The following TET1 variants were observed in gnomAD, a reference collection of about 807,000 sequenced individuals.
The protein encoded by TET1 is methylcytosine dioxygenase TET1.
A neutral mutation model predicts 148.7 loss-of-function variants in TET1; 13 were observed. The ratio of observed to expected loss-of-function variants is 0.09; its 90% CI spans 0.06 to 0.14. TET1 has a LOEUF of 0.14. Ranked by LOEUF, TET1 falls within the 10% of genes least tolerant of loss-of-function variation. TET1 has a pLI of 1.00. For missense variants in TET1, 2,182 were observed against 2,553.8 expected, an observed-to-expected ratio of 0.85 and a Z score of 3.14; for synonymous variants, 907 against 937.2, an observed-to-expected ratio of 0.97 and a Z score of 0.59.
At chr10:68,652,406 C>T in intron 5 of TET1, 95 bp from the exon 6 acceptor site, 1 of 774,694 alleles carries the variant, frequency 1.3e-6, no homozygotes, top group Admixed American at 2.9e-5. Flanking sequence ...TTCTGTACAT[C>T]TATATCTTAT....
At chr10:68,576,277 G>A (rs975702509) in intron 2 of TET1, among the ~76,000 whole-genome samples, 24 of 151,560 alleles carry the variant, frequency 1.6e-4, no homozygotes, top group African/African-American at 5.8e-4. Context: ...CTTGAACCTC[G>A]GAAGCAGAAG....
At chr10:68,597,005 A>C (rs1399401966) in intron 2 of TET1, among the ~76,000 whole-genome samples, 5 of 111,140 alleles carry the variant, frequency 4.5e-5, no homozygotes, top group South Asian at 3.1e-4. Flanking sequence ...ATTTTATTTT[A>C]TTTTCATGAT....
chr10:68,613,260 A>G (rs2054242724), intron 3 of TET1, among the ~76,000 whole-genome samples: 1 of 152,234 alleles, frequency 6.6e-6, no homozygotes, highest in African/African-American at 2.4e-5. Flanking sequence ...AAAAGAACCC[A>G]AACCTACAGA....
In TET1 at chr10:68,686,533, A is replaced by G. The variant is rs750825133; in HGVS notation, c.5230A>G (p.Arg1744Gly). 1 of 1,614,204 alleles carries G rather than the reference A, an allele frequency of 6.2e-7. No homozygotes were observed. The highest frequency in any genetic ancestry group is 8.5e-7 in the Non-Finnish European group (1 of 1,180,050). Residue 1744 changes from arginine to glycine, a missense_variant, in exon 11 of 12, where the codon AGA (arginine) becomes GGA (glycine). Coordinates refer to ENST00000373644, the MANE Select transcript of TET1 (RefSeq NM_030625.3). Reference protein sequence around the residue: ...IEVLAPRRKKRTCFTQPVPRS... With the variant: ...IEVLAPRRKKGTCFTQPVPRS... The stretch of plus-strand genomic sequence containing the variant: ...GGTCCTGGCACCCCGCCGCAAAAAA[A>G]GAACGTGTTTCACTCAGCCTGTTCC...
At chr10:68,653,746 A>G (rs140340036) in intron 6 of TET1, among the ~76,000 whole-genome samples, 14 of 152,252 alleles carry the variant, frequency 9.2e-5, no homozygotes, top group Admixed American at 2.6e-4. Context: ...ATATTGCTTT[A>G]GTAACGATGG....
At chr10:68,656,314 G>A (rs766537961) in intron 6 of TET1, among the ~76,000 whole-genome samples, 1 of 152,196 alleles carries the variant, frequency 6.6e-6, no homozygotes, top group Non-Finnish European at 1.5e-5. Flanking sequence ...CCAGGCTGGA[G>A]TGCAGTGGCT....
At chr10:68,624,127 C>T (rs1486610749) in intron 3 of TET1, among the ~76,000 whole-genome samples, 1 of 144,400 alleles carries the variant, frequency 6.9e-6, no homozygotes, top group Non-Finnish European at 1.5e-5. Context: ...AATGGAGTCT[C>T]GATCTGTTGC....
intron 2 of TET1, among the ~76,000 whole-genome samples, chr10:68,600,570 A>G (rs1391338098): frequency 1.3e-5 from 2 of 152,260 alleles, no homozygotes; most frequent in Non-Finnish European, 2.9e-5. Flanking sequence ...CTGTTTTTGC[A>G]AAAGGCATGC....
intron 2 of TET1, among the ~76,000 whole-genome samples, chr10:68,581,304 C>T (rs2053794522): frequency 6.6e-6 from 1 of 152,178 alleles, no homozygotes; most frequent in South Asian, 2.1e-4. Flanking sequence ...CTAGCTTTGT[C>T]ACTCTCAGTC....
intron 1 of TET1, among the ~76,000 whole-genome samples, chr10:68,568,160 G>A (rs1453114921): frequency 2.6e-5 from 4 of 151,240 alleles, no homozygotes; most frequent in Non-Finnish European, 4.4e-5. Flanking sequence ...TTACAGGCGT[G>A]AGCCACTGCA....
intron 2 of TET1, among the ~76,000 whole-genome samples, chr10:68,592,721 T>A (rs918445945): frequency 5.9e-5 from 9 of 152,134 alleles, no homozygotes; most frequent in Non-Finnish European, 1.0e-4. Flanking sequence ...CCTCTATATC[T>A]TGCCAACTCC....
At chr10:68,561,549 C>G (rs912468851) in intron 1 of TET1, among the ~76,000 whole-genome samples, 1 of 152,122 alleles carries the variant, frequency 6.6e-6, no homozygotes, top group Non-Finnish European at 1.5e-5. Context: ...GAGCGGGCCC[C>G]GAGGGTGGGA....
rs530143252 is a variant in TET1, at chr10:68,581,645, C to T, written c.1914+7393C>T. Reference sequence around the variant, plus strand: ...TTGCTTGAGCCCTGGCATTGGAGACCAGCCCAGGCAACATGGTGAAACCCC... The same window carrying T: ...TTGCTTGAGCCCTGGCATTGGAGACTAGCCCAGGCAACATGGTGAAACCCC... On this transcript the variant is annotated intron_variant, in intron 2 of 11. Coordinates refer to ENST00000373644, the MANE Select transcript of TET1 (RefSeq NM_030625.3). 2.6e-5 allele frequency among the ~76,000 whole-genome samples: 4 copies of T among 152,206 alleles called. No homozygotes were observed. The South Asian group carries it at 8.3e-4, about 32-fold the overall frequency.
In TET1 at chr10:68,573,351, C is replaced by T. The variant is rs748989369; in HGVS notation, c.1013C>T (p.Thr338Ile). 2 of 1,614,116 alleles carry T rather than the reference C, an allele frequency of 1.2e-6. No homozygotes were observed. Among genetic ancestry groups the T allele is most frequent in the Non-Finnish European group, 8.5e-7 (1 of 1,180,014 alleles). ...KFLLAGSKQA[T>I]LGAKPDHQEA... ...CTCTTGGCAGGCTCAAAACAAGCGA[C>T]CCTTGGTGCTAAACCAGATCATCAA... The change falls in exon 2 of 12, where the codon ACC becomes ATC. Residue 338 changes from threonine (T) to isoleucine (I), a missense_variant. By Grantham distance (89) the Thr-to-Ile change is moderately conservative. This residue lies in a region of TET1 where 665 missense variants were observed against 672.4 expected (regional missense o/e 0.99). Coordinates refer to ENST00000373644, the MANE Select transcript of TET1 (RefSeq NM_030625.3).
rs375824269 is a variant in TET1 at position 68,666,751 on chromosome 10, C to A, written c.4462-294C>A. 3.3e-5 allele frequency among the ~76,000 whole-genome samples: 5 copies of A among 152,200 alleles called. No individual in the cohort carries two copies. The South Asian group carries it at 1.0e-3, about 32-fold the overall frequency. ...GGAACTGTTGAGGCAGTGGAAAGTCCTACAGGGTTTTATCCCTTGAGAAGT... is the reference window on the plus strand; with the variant it reads ...GGAACTGTTGAGGCAGTGGAAAGTCATACAGGGTTTTATCCCTTGAGAAGT... On this transcript the variant is annotated intron_variant, in intron 6 of 11. Coordinates refer to ENST00000373644, the MANE Select transcript of TET1 (RefSeq NM_030625.3).
intron 1 of TET1, among the ~76,000 whole-genome samples, chr10:68,567,178 G>A (rs2053616575): frequency 6.6e-6 from 1 of 152,066 alleles, no homozygotes; most frequent in Non-Finnish European, 1.5e-5. Flanking sequence ...GTTTTTTCCT[G>A]TGGGAGCCCA....
At chr10:68,672,302 A>T (rs912541423) in intron 7 of TET1, among the ~76,000 whole-genome samples, 33 of 151,816 alleles carry the variant, frequency 2.2e-4, no homozygotes, top group Middle Eastern at 6.8e-3. Context: ...CAGCCTGGCC[A>T]ACCTGATGAA....
chr10:68,633,682 T>C (rs960858501), intron 3 of TET1, among the ~76,000 whole-genome samples: 3 of 152,176 alleles, frequency 2.0e-5, no homozygotes, highest in African/African-American at 7.2e-5. Context: ...CTGCTCACCT[T>C]GGCCTTCCAA....
intron 2 of TET1, among the ~76,000 whole-genome samples, chr10:68,584,664 G>T (rs1415673984): frequency 6.6e-6 from 1 of 151,486 alleles, no homozygotes. Flanking sequence ...AGCTGAGATC[G>T]CACCACTGCA....
Sources: gnomAD v4.1 joint callset for allele counts (sites outside exome capture counted in the v4.1 genomes callset) on GRCh38, gnomAD v4.1.1 for gene constraint, gnomAD v4.1.1 regional missense constraint, MANE v1.5 for transcripts, NCBI Gene and HGNC (gene_info 2026-07-23, HGNC 2026-07-21) for gene names.